Variants in INPP5D observed in about 807,000 individuals in gnomAD.
INPP5D encodes the protein inositol polyphosphate-5-phosphatase D.
Under a neutral mutation model 122.9 loss-of-function variants are expected in INPP5D, and 33 were observed. That is an observed-to-expected ratio of 0.27 (90% CI 0.20 to 0.36). The LOEUF is 0.36. Ranked by LOEUF, INPP5D falls within the 10% of genes least tolerant of loss-of-function variation. The pLI is 1.00. For missense variants in INPP5D, 1,053 were observed against 1,412.7 expected, an observed-to-expected ratio of 0.75 and a Z score of 4.08; for synonymous variants, 584 against 576.2, an observed-to-expected ratio of 1.01 and a Z score of -0.19.
At chr2:233,114,150 T>C (rs111863968) in intron 2 of INPP5D, among the ~76,000 whole-genome samples, 56,201 of 152,026 alleles carry the variant, frequency 0.37, 15,612 homozygotes, top group African/African-American at 0.79. Context: ...CCTTGTGATC[T>C]GCCCGCCTCG....
intron 2 of INPP5D, among the ~76,000 whole-genome samples, chr2:233,084,471 G>T (rs909487904): frequency 6.6e-6 from 1 of 152,216 alleles, no homozygotes; most frequent in Non-Finnish European, 1.5e-5. Context: ...GAGCCATTCC[G>T]GTGAGTTCTA....
At chr2:233,132,376 C>A (rs1404569727) in intron 5 of INPP5D, among the ~76,000 whole-genome samples, 1 of 152,238 alleles carries the variant, frequency 6.6e-6, no homozygotes, top group Non-Finnish European at 1.5e-5. Flanking sequence ...GGAGCCAAGT[C>A]ACCTCATCAC....
Position 233,060,741 on chromosome 2 carries a change from T to C in INPP5D, c.134+129T>C, listed in dbSNP as rs775232721. 9 of 1,275,146 alleles carry C rather than the reference T, an allele frequency of 7.1e-6. 1 individual carries two copies. The highest frequency in any genetic ancestry group is 4.1e-5 in the South Asian group (3 of 72,702). 79.0% of individuals were successfully genotyped at this position (1,275,146 alleles called of 1,614,324 possible). ...TGACATGCACACTTCCCCGCCACCC[T>C]GTCATGGACCTTGTCCTTGGAGTTC... On this transcript the variant is annotated intron_variant, in intron 1 of 26. Transcript: ENST00000445964.
chr2:233,080,520 G>A (rs575379336), intron 2 of INPP5D, among the ~76,000 whole-genome samples: 5 of 152,162 alleles, frequency 3.3e-5, no homozygotes, highest in African/African-American at 1.2e-4. Flanking sequence ...AGGCACAGCA[G>A]TGCATCCACG....
intron 9 of INPP5D, among the ~76,000 whole-genome samples, chr2:233,156,317 G>A (rs900382582): frequency 2.0e-5 from 3 of 150,256 alleles, no homozygotes; most frequent in African/African-American, 7.6e-5. Flanking sequence ...TTGAGATGGA[G>A]TCTCACTCTG....
intron 2 of INPP5D, among the ~76,000 whole-genome samples, chr2:233,081,493 C>T (rs996158752): frequency 2.6e-5 from 4 of 152,156 alleles, no homozygotes; most frequent in Admixed American, 2.6e-4. Context: ...CTAGTAGAGT[C>T]GGCACCCGCC....
intron 25 of INPP5D, among the ~76,000 whole-genome samples, chr2:233,198,740 C>A (rs1182161500): frequency 1.4e-5 from 2 of 139,620 alleles, no homozygotes; most frequent in Non-Finnish European, 3.1e-5. Flanking sequence ...CACCTGAGAT[C>A]GGGAGTTCGA....
At chr2:233,068,285 CAAA>C (rs60089777) in intron 1 of INPP5D, among the ~76,000 whole-genome samples, 19 of 127,118 alleles carry the variant, frequency 1.5e-4, no homozygotes, top group African/African-American at 1.6e-4. Flanking sequence ...AACTCTGTCT[CAAA>C]AAAAAAAAAA....
At chr2:233,186,915 G>T (rs1370103300) in intron 21 of INPP5D, among the ~76,000 whole-genome samples, 4 of 151,368 alleles carry the variant, frequency 2.6e-5, no homozygotes, top group African/African-American at 9.7e-5. Context: ...TAGAGATGGG[G>T]TTCCTCATGT....
chr2:233,198,627 AC>A (rs1228964821), intron 25 of INPP5D, among the ~76,000 whole-genome samples: 9 of 152,232 alleles, frequency 5.9e-5, no homozygotes, highest in African/African-American at 1.9e-4. Flanking sequence ...AAGAAAAGGA[AC>A]CTCCTATAAA....
At chr2:233,068,717 G>A (rs12694924) in intron 1 of INPP5D, among the ~76,000 whole-genome samples, 93,630 of 151,882 alleles carry the variant, frequency 0.62, 30,592 homozygotes, top group Non-Finnish European at 0.73. Flanking sequence ...GAAGAGAATG[G>A]GGGCAGAGGA....
At chr2:233,195,372 T>A (rs1472583400) in intron 23 of INPP5D, 27 bp from the exon 24 acceptor site, 2 of 1,613,448 alleles carry the variant, frequency 1.2e-6, no homozygotes, top group Non-Finnish European at 1.7e-6. Flanking sequence ...GGCCCTCACA[T>A]GCTCTTTCCC....
At chr2:233,199,535 CA>C (rs58583434) in intron 25 of INPP5D, among the ~76,000 whole-genome samples, 115,700 of 147,662 alleles carry the variant, frequency 0.78, 45,648 homozygotes, top group African/African-American at 0.89. Flanking sequence ...GACTCCGTCT[CA>C]AAAAAAAAAA....
At chr2:233,158,450 G>A (rs1403369055) in intron 10 of INPP5D, 31 bp downstream of exon 10, 1 of 692,840 alleles carries the variant, frequency 1.4e-6, no homozygotes, top group African/African-American at 1.8e-5. Flanking sequence ...AAAATGGGCT[G>A]TGAGGTAGGG....
At chr2:233,074,335 G>T (rs1455386017) in intron 1 of INPP5D, among the ~76,000 whole-genome samples, 5 of 152,138 alleles carry the variant, frequency 3.3e-5, no homozygotes, top group Admixed American at 6.5e-5. Context: ...GGAATAGCCC[G>T]CTGGACCCTC....
chr2:233,088,930 A>G (rs1474498475), intron 2 of INPP5D, among the ~76,000 whole-genome samples: 1 of 152,224 alleles, frequency 6.6e-6, no homozygotes, highest in Non-Finnish European at 1.5e-5. Context: ...CGCGAGGGTC[A>G]TGGAGGACAG....
rs543779152 is a variant in INPP5D at position 233,091,056 on chromosome 2, A to C, written c.198+11658A>C. ...GACAATAGAACTGCTTTCTCCCCTG[A>C]CGAAGGTGCTGGGGAGATACTTACT... On this transcript the variant is annotated intron_variant, in intron 2 of 26. Coordinates refer to ENST00000445964, the MANE Select transcript of INPP5D (RefSeq NM_001017915.3). 3.3e-5 allele frequency among the ~76,000 whole-genome samples: 5 copies of C among 152,104 alleles called. No individual in the cohort carries two copies. In the East Asian group the frequency reaches 9.7e-4, roughly 29 times the overall value.
At chr2:233,101,652 CATATA>C (rs1692315424) in intron 2 of INPP5D, among the ~76,000 whole-genome samples, 1 of 140,658 alleles carries the variant, frequency 7.1e-6, no homozygotes, top group African/African-American at 2.6e-5. Flanking sequence ...AAATATATAA[CATATA>C]ATAGATATTA....
chr2:233,129,676 T>TC (rs1385997246), intron 4 of INPP5D, among the ~76,000 whole-genome samples: 2 of 151,772 alleles, frequency 1.3e-5, no homozygotes, highest in South Asian at 2.1e-4. Flanking sequence ...TCACTCAGAC[T>TC]CCCCCCACAG....
Sources: allele counts gnomAD v4.1 joint callset (sites outside exome capture counted in the v4.1 genomes callset), GRCh38; gene constraint gnomAD v4.1.1; transcripts MANE v1.5; gene names NCBI Gene and HGNC (gene_info 2026-07-23, HGNC 2026-07-21).